AGMO: variants seen among roughly 807,000 people sequenced by gnomAD.
The protein encoded by AGMO is glyceryl-ether monooxygenase.
In AGMO, 75 loss-of-function variants were observed where a neutral mutation model predicts 60.2. The observed-to-expected ratio is 1.25, with a 90% CI of 1.03 to 1.51. AGMO has a LOEUF of 1.51. Among genes scored for constraint, AGMO ranks in the 40% most tolerant of loss-of-function variants. AGMO has a pLI of 0.00. For synonymous variants in AGMO, 261 were observed against 177.1 expected (o/e 1.47, Z -3.76); for missense variants, 763 against 525.5 (o/e 1.45, Z -4.42).
chr7:15,312,706 A>G lies in AGMO; in HGVS notation c.1263+52808T>C, dbSNP rs2128532833. 2.0e-5 allele frequency among the ~76,000 whole-genome samples: 3 copies of G among 150,150 alleles called. No individual in the cohort carries two copies. The Middle Eastern group carries it at 0.01, about 511-fold the overall frequency. ...GAATTTTGTTTTTTCCCCCCGAGACAGAGTCTTGCTCTGTCGCCCAGGCTG... is the reference window on the plus strand; with the variant it reads ...GAATTTTGTTTTTTCCCCCCGAGACGGAGTCTTGCTCTGTCGCCCAGGCTG... On this transcript the variant is annotated intron_variant, in intron 12 of 12. Transcript: ENST00000342526.
Position 15,358,919 on chromosome 7 carries a change from G to T in AGMO, c.1263+6595C>A, listed in dbSNP as rs187748902. Among the ~76,000 whole-genome samples, 49 of 152,214 alleles carry T rather than the reference G, an allele frequency of 3.2e-4. No individual in the cohort carries two copies. The East Asian group carries it at 8.9e-3, about 28-fold the overall frequency. On this transcript the variant is annotated intron_variant, in intron 12 of 12. Coordinates refer to ENST00000342526, the MANE Select transcript of AGMO (RefSeq NM_001004320.2). ...GGGTTGGGATGGAAATGATAGAAGC[G>T]ATTTTAACAATGGCATTAAGATAAA... is the stretch of plus-strand genomic sequence containing the variant.
the AGMO span, among the ~76,000 whole-genome samples, chr7:15,143,688 CTTT>C: frequency 7.8e-5 from 10 of 127,836 alleles, no homozygotes; most frequent in Non-Finnish European, 8.1e-5. Context: ...TTTGTTTTGT[CTTT>C]TTTTTTTTTT....
chr7:15,235,484 A>G (rs1583315471), intron 12 of AGMO, among the ~76,000 whole-genome samples: 1 of 152,270 alleles, frequency 6.6e-6, no homozygotes, highest in East Asian at 1.9e-4. Flanking sequence ...TTTGATTCAG[A>G]GTATTATAAT....
chr7:15,299,416 A>G (rs993692503), intron 12 of AGMO, among the ~76,000 whole-genome samples: 6 of 152,142 alleles, frequency 3.9e-5, no homozygotes, highest in East Asian at 1.9e-4. Context: ...GAGAGAAAAT[A>G]TGTAGTAAAT....
At chr7:15,178,456 T>C in the AGMO span, among the ~76,000 whole-genome samples, 12 of 152,188 alleles carry the variant, frequency 7.9e-5, no homozygotes, top group Non-Finnish European at 1.2e-4. Context: ...CCTTAGTTCA[T>C]GGGAATCTAG....
intron 3 of AGMO, among the ~76,000 whole-genome samples, chr7:15,435,852 T>C (rs1337386621): frequency 1.3e-5 from 2 of 152,198 alleles, no homozygotes; most frequent in Non-Finnish European, 2.9e-5. Flanking sequence ...ATATTAAATA[T>C]CTAAAATGCA....
chr7:15,289,564 T>C (rs1351720615), intron 12 of AGMO, among the ~76,000 whole-genome samples: 1 of 152,124 alleles, frequency 6.6e-6, no homozygotes. Context: ...AAGGTCTAAT[T>C]GCATAAGCAG....
chr7:15,380,172 G>A (rs568667596), intron 10 of AGMO, among the ~76,000 whole-genome samples: 1 of 152,148 alleles, frequency 6.6e-6, no homozygotes, highest in Admixed American at 6.6e-5. Flanking sequence ...GGGCATTCAG[G>A]CAAGAGAAAG....
chr7:15,148,922 C>T, the AGMO span, among the ~76,000 whole-genome samples: 2 of 152,076 alleles, frequency 1.3e-5, no homozygotes, highest in Non-Finnish European at 2.9e-5. Flanking sequence ...AAATTATTAA[C>T]ATTCTCACTA....
rs144551169 is a variant in AGMO at position 15,204,981 on chromosome 7, C to T, written c.1264-3622G>A. On this transcript the variant is annotated intron_variant, in intron 12 of 12. Coordinates refer to ENST00000342526, the MANE Select transcript of AGMO (RefSeq NM_001004320.2). Reference sequence around the variant, plus strand: ...TTGGGCCTATAGGGACATATCATCTCACCCAGGTTTATGTCTGTGTTTTGA... The same window carrying T: ...TTGGGCCTATAGGGACATATCATCTTACCCAGGTTTATGTCTGTGTTTTGA... 7.2e-3 allele frequency among the ~76,000 whole-genome samples: 1,096 copies of T among 152,240 alleles called. 18 individuals are homozygous for T. The highest frequency in any genetic ancestry group is 0.025 in the African/African-American group (1,048 of 41,548).
intron 12 of AGMO, among the ~76,000 whole-genome samples, chr7:15,213,990 C>A (rs770062635): frequency 2.0e-5 from 3 of 151,772 alleles, no homozygotes; most frequent in Non-Finnish European, 4.4e-5. Context: ...CACAGATTGG[C>A]CATTAATGTA....
chr7:15,200,311 A>G (rs1781242450), downstream of AGMO: 1 of 152,214 alleles, frequency 6.6e-6, no homozygotes, highest in Non-Finnish European at 1.5e-5. Flanking sequence ...AACAATGTAC[A>G]CACAACACCT....
At chr7:15,216,386 CCTTTTT>C (rs558457005) in intron 12 of AGMO, among the ~76,000 whole-genome samples, 68 of 152,106 alleles carry the variant, frequency 4.5e-4, no homozygotes, top group African/African-American at 1.6e-3. Context: ...TTATAGGGTT[CCTTTTT>C]CTATGTTTTT....
intron 3 of AGMO, among the ~76,000 whole-genome samples, chr7:15,454,408 A>G (rs1467908911): frequency 6.6e-6 from 1 of 151,770 alleles, no homozygotes; most frequent in Non-Finnish European, 1.5e-5. Context: ...CAAAGTGGCA[A>G]CTATGTGGAG....
chr7:15,454,900 C>T (rs541508671), intron 3 of AGMO, among the ~76,000 whole-genome samples: 1 of 152,112 alleles, frequency 6.6e-6, no homozygotes, highest in African/African-American at 2.4e-5. Flanking sequence ...TTCCCACTTA[C>T]CAGATGCAAC....
At chr7:15,281,660 C>G (rs190813769) in intron 12 of AGMO, among the ~76,000 whole-genome samples, 98 of 152,274 alleles carry the variant, frequency 6.4e-4, no homozygotes, top group African/African-American at 1.9e-3. Flanking sequence ...CCATGCACTT[C>G]TGTCAGGACA....
chr7:15,305,240 T>TAAA (rs11351669), intron 12 of AGMO, among the ~76,000 whole-genome samples: 1 of 117,964 alleles, frequency 8.5e-6, no homozygotes, highest in Non-Finnish European at 1.9e-5. Flanking sequence ...GCAATCTGGT[T>TAAA]AAAAAAAAAA....
chr7:15,472,531 C>A (rs1314508567), intron 3 of AGMO, among the ~76,000 whole-genome samples: 1 of 151,864 alleles, frequency 6.6e-6, no homozygotes, highest in Non-Finnish European at 1.5e-5. Context: ...CCGCAACTCT[C>A]AACTTTATAC....
intron 12 of AGMO, among the ~76,000 whole-genome samples, chr7:15,286,368 T>G (rs373280124): frequency 6.6e-6 from 1 of 150,922 alleles, no homozygotes; most frequent in African/African-American, 2.4e-5. Context: ...CTCAAATAAA[T>G]CAGCAGGAAA....
Sources: gnomAD v4.1 joint callset for allele counts (sites outside exome capture counted in the v4.1 genomes callset) on GRCh38, gnomAD v4.1.1 for gene constraint, MANE v1.5 for transcripts, NCBI Gene and HGNC (gene_info 2026-07-23, HGNC 2026-07-21) for gene names.